Variants in RPH3A observed in about 807,000 individuals in gnomAD.
The protein encoded by RPH3A is rabphilin 3A.
A neutral mutation model predicts 102.2 loss-of-function variants in RPH3A; 48 were observed. The ratio of observed to expected loss-of-function variants is 0.47; its 90% CI spans 0.37 to 0.60. The LOEUF (loss-of-function observed/expected upper bound fraction) is 0.60. Among genes scored for constraint, RPH3A ranks in the 20% least tolerant of loss-of-function variants. The pLI is 0.00. For synonymous variants in RPH3A, 310 were observed against 324.3 expected, an observed-to-expected ratio of 0.96 and a Z score of 0.47; for missense variants, 781 against 910.1, an observed-to-expected ratio of 0.86 and a Z score of 1.83.
chr12:112,593,931 C>T (rs2135964999), intron 1 of RPH3A, among the ~76,000 whole-genome samples: 1 of 152,296 alleles, frequency 6.6e-6, no homozygotes, highest in East Asian at 1.9e-4. Flanking sequence ...CTGGTACTTC[C>T]CCCATATAAC....
At chr12:112,881,934 T>A (rs1248945732) in intron 15 of RPH3A, 88 bp downstream of exon 15, 2 of 997,788 alleles carry the variant, frequency 2.0e-6, no homozygotes, top group African/African-American at 1.6e-5. Context: ...CAAAATAGCC[T>A]TATCTGCCCC....
chr12:112,848,481 A>G (rs764126168), intron 5 of RPH3A, among the ~76,000 whole-genome samples: 12 of 152,224 alleles, frequency 7.9e-5, no homozygotes, highest in Non-Finnish European at 1.3e-4. Context: ...CCTGCTGTGG[A>G]TCTTGGGCAT....
intron 1 of RPH3A, among the ~76,000 whole-genome samples, chr12:112,642,786 G>T (rs140618955): frequency 6.6e-6 from 1 of 152,206 alleles, no homozygotes; most frequent in Non-Finnish European, 1.5e-5. Flanking sequence ...TAAGACTTTC[G>T]ATTGTTTAAT....
At position 112,699,113 on chromosome 12, in the gene RPH3A, G is replaced by A. The variant is rs544587292; in HGVS notation, c.-139-93030G>A. Among the ~76,000 whole-genome samples, 299 of 152,196 alleles carry A rather than the reference G, an allele frequency of 2.0e-3. 2 individuals are homozygous for A. The highest frequency in any genetic ancestry group is 6.7e-3 in the African/African-American group (279 of 41,510). ...TTTTTGTATTTTTTCTAGAGATGGGGTTTCACCATGTTGCCCAGGCTTGTG... is the reference window on the plus strand; with the variant it reads ...TTTTTGTATTTTTTCTAGAGATGGGATTTCACCATGTTGCCCAGGCTTGTG... On this transcript the variant is annotated intron_variant, in intron 1 of 21. Transcript: ENST00000543106.
At chr12:112,848,906 A>G (rs922192831) in intron 5 of RPH3A, among the ~76,000 whole-genome samples, 2 of 151,850 alleles carry the variant, frequency 1.3e-5, no homozygotes, top group Non-Finnish European at 2.9e-5. Flanking sequence ...ATAAATGGAG[A>G]CTGGCTGCCG....
At chr12:112,794,507 G>C (rs1992315782) in intron 2 of RPH3A, among the ~76,000 whole-genome samples, 1 of 152,160 alleles carries the variant, frequency 6.6e-6, no homozygotes, top group African/African-American at 2.4e-5. Flanking sequence ...CTTTATTTAT[G>C]GCCTCAGATG....
chr12:112,808,968 C>G (rs545527763), intron 2 of RPH3A, among the ~76,000 whole-genome samples: 4 of 152,166 alleles, frequency 2.6e-5, no homozygotes, highest in Non-Finnish European at 4.4e-5. Context: ...TACCAGGACT[C>G]AGCCCTAGAG....
intron 1 of RPH3A, among the ~76,000 whole-genome samples, chr12:112,614,738 C>A (rs181897851): frequency 3.5e-5 from 5 of 144,916 alleles, no homozygotes; most frequent in Non-Finnish European, 6.0e-5. Flanking sequence ...GATCCAAGAT[C>A]CATTTTGTAT....
chr12:112,677,964 G>A (rs1386229680), intron 1 of RPH3A, among the ~76,000 whole-genome samples: 1 of 152,006 alleles, frequency 6.6e-6, no homozygotes, highest in African/African-American at 2.4e-5. Flanking sequence ...GCCAAGGTGG[G>A]TGGATCACTT....
At chr12:112,759,467 C>A (rs1429661622) in intron 1 of RPH3A, among the ~76,000 whole-genome samples, 1 of 152,148 alleles carries the variant, frequency 6.6e-6, no homozygotes, top group Admixed American at 6.5e-5. Flanking sequence ...TTGTCTTCTG[C>A]CTCCTGTTGT....
intron 3 of RPH3A, among the ~76,000 whole-genome samples, chr12:112,833,372 C>T (rs913888046): frequency 3.3e-5 from 5 of 152,194 alleles, no homozygotes; most frequent in Non-Finnish European, 7.3e-5. Context: ...CACAGCACTG[C>T]CTGAAGCCTC....
chr12:112,847,845 G>A lies in RPH3A; in HGVS notation c.230+3G>A, dbSNP rs767974255. 7 of 1,613,624 alleles carry A rather than the reference G, an allele frequency of 4.3e-6. No individual in the cohort carries two copies. The highest frequency in any genetic ancestry group is 1.7e-4 in the Middle Eastern group (1 of 6,042). ...GAGATGGAGCAGGAGCGAATCGGGT[G>A]AGGCTTAACGCTTCCCATTCACCCC... On this transcript the variant is annotated splice_donor_region_variant and intron_variant, in intron 5 of 21. Transcript: ENST00000389385.
At chr12:112,618,290 C>T (rs2039696486) in intron 1 of RPH3A, among the ~76,000 whole-genome samples, 1 of 150,254 alleles carries the variant, frequency 6.7e-6, no homozygotes. Flanking sequence ...GTCTCACCTG[C>T]TTCTCCTCCT....
intron 2 of RPH3A, among the ~76,000 whole-genome samples, chr12:112,811,114 G>T (rs1321091537): frequency 6.6e-6 from 1 of 152,096 alleles, no homozygotes; most frequent in African/African-American, 2.4e-5. Context: ...TACAGGGTTA[G>T]GTTCCTACGA....
chr12:112,627,930 C>T (rs937523564), intron 1 of RPH3A, among the ~76,000 whole-genome samples: 2 of 135,480 alleles, frequency 1.5e-5, no homozygotes, highest in Non-Finnish European at 3.0e-5. Context: ...ACAATCAGGG[C>T]GGAAGGCAAA....
At chr12:112,575,276 C>G (rs1281042166) in exon 1 of RPH3A, 2 of 152,354 alleles carry the variant, frequency 1.3e-5, no homozygotes, top group Admixed American at 6.5e-5. Context: ...GAGGCGACAC[C>G]GCTGGAGGCG....
rs528071298 is a variant in RPH3A, at chr12:112,649,663, C to T, written c.-140+74344C>T. 7.9e-5 allele frequency among the ~76,000 whole-genome samples: 12 copies of T among 152,334 alleles called. No individual in the cohort carries two copies. The East Asian group carries it at 9.6e-4, about 12-fold the overall frequency. Reference sequence around the variant, plus strand: ...ACTATAAGCTCCAGGAAGGCAGACACCTCATTTTGTTTTATTCACCATTTG... The same window carrying T: ...ACTATAAGCTCCAGGAAGGCAGACATCTCATTTTGTTTTATTCACCATTTG... On this transcript the variant is annotated intron_variant, in intron 1 of 21. Coordinates refer to the RPH3A transcript ENST00000543106.
Position 112,738,653 on chromosome 12 carries a change from G to A in RPH3A, c.-139-53490G>A, listed in dbSNP as rs979921591. On this transcript the variant is annotated intron_variant, in intron 1 of 21. Transcript: ENST00000543106. Reference sequence around the variant, plus strand: ...AGTGGTGGTGTTTTTTGTTTGGGGAGCTGCACTACCTCCAGCTCAATCAAA... The same window carrying A: ...AGTGGTGGTGTTTTTTGTTTGGGGAACTGCACTACCTCCAGCTCAATCAAA... Among the ~76,000 whole-genome samples the A allele has an allele frequency of 4.6e-5, 7 of 152,254 alleles. No homozygotes were observed. In the South Asian group the frequency reaches 8.3e-4, roughly 18 times the overall value.
chr12:112,795,756 C>T (rs548636363), intron 2 of RPH3A, among the ~76,000 whole-genome samples: 1 of 152,286 alleles, frequency 6.6e-6, no homozygotes, highest in South Asian at 2.1e-4. Context: ...TGTCACTTCA[C>T]CTCTCTGGAC....
Sources: gnomAD v4.1 joint callset for allele counts (sites outside exome capture counted in the v4.1 genomes callset) on GRCh38, gnomAD v4.1.1 for gene constraint, MANE v1.5 for transcripts, NCBI Gene and HGNC (gene_info 2026-07-23, HGNC 2026-07-21) for gene names.